The following LIN54 variants were observed in gnomAD, a reference collection of about 807,000 sequenced individuals.
LIN54 encodes protein lin-54 homolog.
A neutral mutation model predicts 78.7 loss-of-function variants in LIN54; 9 were observed. The ratio of observed to expected loss-of-function variants is 0.11; its 90% CI spans 0.07 to 0.20. LIN54 has a LOEUF of 0.20. Ranked by LOEUF, LIN54 falls within the 10% of genes least tolerant of loss-of-function variation. LIN54 has a pLI of 1.00. For missense variants in LIN54, 573 were observed against 889.9 expected (o/e 0.64, Z 4.53); for synonymous variants, 269 against 318.4 (o/e 0.84, Z 1.65).
chr4:82,932,819 CCAT>C (rs1274846826), intron 11 of LIN54, among the ~76,000 whole-genome samples: 1 of 151,928 alleles, frequency 6.6e-6, no homozygotes, highest in African/African-American at 2.4e-5. Context: ...GAATGAAACA[CCAT>C]CTCAAAAAAA....
At chr4:82,971,222 C>A (rs943598178) in intron 3 of LIN54, among the ~76,000 whole-genome samples, 1 of 152,184 alleles carries the variant, frequency 6.6e-6, no homozygotes, top group Admixed American at 6.5e-5. Flanking sequence ...AGTATTCTAG[C>A]TTTCTTCCAT....
At chr4:82,988,446 T>G (rs1031428480) in intron 1 of LIN54, among the ~76,000 whole-genome samples, 1 of 152,222 alleles carries the variant, frequency 6.6e-6, no homozygotes, top group African/African-American at 2.4e-5. Context: ...TTTGGACTGT[T>G]TCCAGTTTGG....
chr4:82,972,268 G>A (rs1255682538), intron 3 of LIN54, among the ~76,000 whole-genome samples: 1 of 151,892 alleles, frequency 6.6e-6, no homozygotes, highest in Non-Finnish European at 1.5e-5. Context: ...ATGTTGCCCA[G>A]GCTGGCACAG....
intron 5 of LIN54, among the ~76,000 whole-genome samples, chr4:82,945,093 C>T (rs1489409445): frequency 6.6e-6 from 1 of 152,120 alleles, no homozygotes; most frequent in African/African-American, 2.4e-5. Context: ...AACTCCTGAC[C>T]TCAGATGATC....
intron 1 of LIN54, among the ~76,000 whole-genome samples, chr4:82,992,568 C>T (rs1194533268): frequency 2.0e-5 from 3 of 152,122 alleles, no homozygotes; most frequent in Non-Finnish European, 2.9e-5. Flanking sequence ...TCCTAGCTCA[C>T]ACTCCCTTGA....
At chr4:82,989,261 C>G (rs534305065) in intron 1 of LIN54, among the ~76,000 whole-genome samples, 1 of 152,044 alleles carries the variant, frequency 6.6e-6, no homozygotes, top group East Asian at 1.9e-4. Flanking sequence ...GTGAAGTTAT[C>G]AGTCACTTAT....
chr4:82,986,992 C>T (rs1488899809), intron 1 of LIN54, among the ~76,000 whole-genome samples: 1 of 152,016 alleles, frequency 6.6e-6, no homozygotes, highest in Non-Finnish European at 1.5e-5. Flanking sequence ...TTTTAATATG[C>T]CACAGTTAAT....
At chr4:82,973,864 C>A (rs896313988) in intron 3 of LIN54, among the ~76,000 whole-genome samples, 4 of 152,176 alleles carry the variant, frequency 2.6e-5, no homozygotes, top group African/African-American at 9.7e-5. Context: ...TATAGTGCCT[C>A]CATGATATAC....
intron 1 of LIN54, among the ~76,000 whole-genome samples, chr4:82,988,764 A>C (rs1246630359): frequency 6.6e-6 from 1 of 152,172 alleles, no homozygotes; most frequent in East Asian, 1.9e-4. Context: ...GCCTATGTGA[A>C]GTGATATCTC....
At chr4:82,975,382 T>C (rs1726080220) in intron 3 of LIN54, among the ~76,000 whole-genome samples, 2 of 151,758 alleles carry the variant, frequency 1.3e-5, no homozygotes. Flanking sequence ...ATGTATATCT[T>C]ACCACAATTT....
chr4:82,981,303 G>A (rs1471310711), intron 2 of LIN54, among the ~76,000 whole-genome samples: 2 of 152,084 alleles, frequency 1.3e-5, no homozygotes, highest in African/African-American at 4.8e-5. Context: ...AGGAAACATG[G>A]GAAAGTGTTT....
At position 82,984,259 on chromosome 4, in the gene LIN54, G is replaced by T. The variant is rs140057831; in HGVS notation, c.586C>A (p.Pro196Thr). The T allele has an allele frequency of 6.8e-5, 109 of 1,614,180 alleles. No individual in the cohort carries two copies. The African/African-American group carries it at 1.1e-3, about 16-fold the overall frequency. Residue 196 changes from proline (P) to threonine (T), a missense_variant, in exon 2 of 13, where the codon CCT (proline) becomes ACT (threonine). Physicochemically the swap from Pro to Thr is conservative, Grantham distance 38 (BLOSUM62 -1). This residue lies in a region of LIN54 where 183 missense variants were observed against 228.4 expected (regional missense o/e 0.80). Coordinates refer to ENST00000340417, the MANE Select transcript of LIN54 (RefSeq NM_194282.4). Reference protein sequence around the residue: ...VTIGGRPEVKPVIGVSALTPG... With the variant: ...VTIGGRPEVKTVIGVSALTPG... Reference sequence around the variant, plus strand: ...GTCAATGCTGAGACACCAATGACAGGTTTCACCTCTGGCCTCCCTCCAATG... The same window carrying T: ...GTCAATGCTGAGACACCAATGACAGTTTTCACCTCTGGCCTCCCTCCAATG...
chr4:82,984,823 C>T lies in LIN54; in HGVS notation c.22G>A (p.Val8Met). The T allele has an allele frequency of 6.2e-7, 1 of 1,611,258 alleles. No homozygotes were observed. The change falls in exon 2 of 13, where the codon GTG becomes ATG. Residue 8 changes from valine to methionine, a missense_variant. By Grantham distance (21) the Val-to-Met change is conservative. Around this residue, in one of 6 missense-constraint regions of LIN54, gnomAD observed 183 missense variants for 228.4 expected, o/e 0.80. Transcript: ENST00000340417. Reference sequence around the variant, plus strand: ...ATTTCCTCTGGAAGCAAACTATTCACCTCAGCTGGCACCACCTCCATGATC... The same window carrying T: ...ATTTCCTCTGGAAGCAAACTATTCATCTCAGCTGGCACCACCTCCATGATC... MEVVPAE[V>M]NSLLPEEIMD...
In LIN54 at chr4:82,936,458, T is replaced by C. The variant is rs1471039292; in HGVS notation, c.1605-77A>G. The C allele has an allele frequency of 9.7e-6, 7 of 725,054 alleles. No individual in the cohort carries two copies. In the Admixed American group the frequency reaches 1.6e-4, roughly 17 times the overall value. The allele number at this position is 725,054 out of a possible 1,614,324, so 44.9% of individuals were successfully genotyped here. On this transcript the variant is annotated intron_variant, in intron 9 of 12. Transcript: ENST00000340417. ...ATTATCTGATTATGCATACATTGTA[T>C]ATATATTGTACACATACTACATATG...
rs1726968846 is a variant in LIN54 at position 82,984,737 on chromosome 4, G to C, written c.108C>G (p.Ser36=). ...DDSIEAVIVS[S]PIPMETELEE... Reference sequence around the variant, plus strand: ...CCAGTTCTGTCTCCATGGGAATTGGGGATGAAACAATAACAGCCTCAATAC... The same window carrying C: ...CCAGTTCTGTCTCCATGGGAATTGGCGATGAAACAATAACAGCCTCAATAC... Residue 36 remains serine (S), a synonymous_variant, in exon 2 of 13, where the codon TCC becomes TCG. Transcript: ENST00000340417. 6.2e-7 allele frequency: 1 copy of C among 1,613,854 alleles called. No homozygotes were observed. The highest frequency in any genetic ancestry group is 1.7e-5 in the Admixed American group (1 of 59,968).
chr4:82,971,108 T>G (rs775338315), intron 3 of LIN54, among the ~76,000 whole-genome samples: 1 of 152,090 alleles, frequency 6.6e-6, no homozygotes, highest in Non-Finnish European at 1.5e-5. Context: ...TTACATTGAG[T>G]TGAAATATCA....
chr4:82,927,423 T>C lies in LIN54; in HGVS notation c.*679A>G, dbSNP rs1304018360. On this transcript the variant is annotated 3_prime_UTR_variant, in exon 13 of 13. Transcript: ENST00000340417. ...GAAAATGGAGACAGCCCAGAGCATC[T>C]GTTAGCCTTTCCTTATTATAGAAAC... is the stretch of plus-strand genomic sequence containing the variant. 2.0e-5 allele frequency: 3 copies of C among 152,216 alleles called. No homozygotes were observed. Among genetic ancestry groups the C allele is most frequent in the Non-Finnish European group, 4.4e-5 (3 of 68,046 alleles). The allele number at this position is 152,216 out of a possible 1,614,324, so 9.4% of individuals were successfully genotyped here.
At position 82,954,562 on chromosome 4, in the gene LIN54, T is replaced by C. The variant is rs143034054; in HGVS notation, c.952-8088A>G. ...CCTGCCAAGTAGTAGGAAGTACAGG[T>C]GCGTACCACCATGCCCGGCTAATTT... On this transcript the variant is annotated intron_variant, in intron 4 of 12. Coordinates refer to ENST00000340417, the MANE Select transcript of LIN54 (RefSeq NM_194282.4). Among the ~76,000 whole-genome samples the C allele has an allele frequency of 3.3e-3, 509 of 152,172 alleles. 3 individuals carry two copies. The highest frequency in any genetic ancestry group is 0.012 in the African/African-American group (490 of 41,532).
intron 1 of LIN54, among the ~76,000 whole-genome samples, chr4:82,985,935 G>A (rs556364999): frequency 6.6e-5 from 10 of 152,282 alleles, no homozygotes; most frequent in African/African-American, 2.2e-4. Context: ...AGCAGATTAC[G>A]AAAAACTTTG....
Sources: gnomAD v4.1 joint callset for allele counts (sites outside exome capture counted in the v4.1 genomes callset) on GRCh38, gnomAD v4.1.1 for gene constraint, gnomAD v4.1.1 regional missense constraint, MANE v1.5 for transcripts, NCBI Gene and HGNC (gene_info 2026-07-23, HGNC 2026-07-21) for gene names.